The following CAPZA2 variants were observed in gnomAD, a reference collection of about 807,000 sequenced individuals.
CAPZA2 encodes capping actin protein of muscle Z-line subunit alpha 2.
A neutral mutation model predicts 44.0 loss-of-function variants in CAPZA2; 13 were observed. The observed-to-expected ratio is 0.30, with a 90% confidence interval of 0.19 to 0.47. The LOEUF is 0.47. Among genes scored for constraint, CAPZA2 ranks in the 20% least tolerant of loss-of-function variants. The probability of loss-of-function intolerance (pLI) is 1.00; values close to 1 mark genes in which losing one functional copy is unlikely to be tolerated. For missense variants in CAPZA2, 244 were observed against 338.6 expected (o/e 0.72, Z 2.19); for synonymous variants, 94 against 108.2 (o/e 0.87, Z 0.81).
intron 7 of CAPZA2, among the ~76,000 whole-genome samples, chr7:116,910,622 C>G (rs1026404328): frequency 1.1e-4 from 17 of 152,134 alleles, no homozygotes; most frequent in Admixed American, 2.0e-4. Context: ...TTGTGTACTT[C>G]TCTCCTCTGA....
intron 7 of CAPZA2, among the ~76,000 whole-genome samples, chr7:116,911,025 G>A (rs964755557): frequency 6.9e-6 from 1 of 145,848 alleles, no homozygotes; most frequent in Non-Finnish European, 1.5e-5. Context: ...ATACGTGATT[G>A]TTTGAAGATT....
intron 3 of CAPZA2, among the ~76,000 whole-genome samples, chr7:116,897,643 A>G (rs1796944636): frequency 6.6e-6 from 1 of 152,116 alleles, no homozygotes; most frequent in African/African-American, 2.4e-5. Context: ...CTGTTAAGTG[A>G]CAGTGATTTC....
chr7:116,873,101 C>T (rs1037934202), intron 1 of CAPZA2, among the ~76,000 whole-genome samples: 1 of 152,122 alleles, frequency 6.6e-6, no homozygotes, highest in Non-Finnish European at 1.5e-5. Context: ...GCGGCCCATA[C>T]CATGTGGAAA....
chr7:116,863,887 T>C (rs921159067), intron 1 of CAPZA2, among the ~76,000 whole-genome samples: 6 of 152,140 alleles, frequency 3.9e-5, no homozygotes, highest in Admixed American at 3.9e-4. Flanking sequence ...TGCACCGAAA[T>C]AGAAGGTTCT....
intron 1 of CAPZA2, among the ~76,000 whole-genome samples, chr7:116,863,376 C>G (rs1018008189): frequency 1.3e-5 from 2 of 151,988 alleles, no homozygotes; most frequent in African/African-American, 4.8e-5. Context: ...TGGCAGCAGC[C>G]CCCCCCCGGG....
At chr7:116,864,039 T>C (rs1055901974) in intron 1 of CAPZA2, among the ~76,000 whole-genome samples, 16 of 152,156 alleles carry the variant, frequency 1.1e-4, no homozygotes, top group Non-Finnish European at 1.9e-4. Flanking sequence ...ACAGACCCAG[T>C]AGGCAGATCC....
rs533000280 is a variant in CAPZA2 at position 116,879,890 on chromosome 7, T to C, written c.40-8237T>C. ...ATTTATTCAACCTGTAATCAGTAGC[T>C]ACTGAGTACAGAGTATGGGGCAGAG... On this transcript the variant is annotated intron_variant, in intron 1 of 9. Transcript: ENST00000361183. Among the ~76,000 whole-genome samples the C allele has an allele frequency of 2.0e-5, 3 of 152,338 alleles. No individual in the cohort carries two copies. The South Asian group carries it at 6.2e-4, about 32-fold the overall frequency.
rs375229154 is a variant in CAPZA2, at chr7:116,916,624, C to CA, written c.720+514dup. Among the ~76,000 whole-genome samples the CA allele has an allele frequency of 1.2e-3, 163 of 133,892 alleles. 2 individuals carry two copies. The highest frequency in any genetic ancestry group is 1.3e-3 in the East Asian group (6 of 4,596). The allele number at this position is 133,892 out of a possible 152,430, so 87.8% of individuals were successfully genotyped here. A position where few individuals can be genotyped will look rare whatever the true frequency, so the allele number is the denominator to read the frequency against. ...CTGGTGACAGAGCGAGACTCCGTCT[C>CA]AAAAAAAAAAAAGACTAGGTTTTGG... On this transcript the variant is annotated intron_variant, in intron 9 of 9. Transcript: ENST00000361183.
chr7:116,904,157 AATTC>A lies in CAPZA2; in HGVS notation c.220-15_220-12del. On this transcript the variant is annotated splice_polypyrimidine_tract_variant and intron_variant, in intron 4 of 9. Transcript: ENST00000361183. ...ATGCTGTTTTTTTATTTTTTTTCTA[AATTC>A]ATTCCATCATCAAAGGTATTGATAA... 1 of 1,493,510 alleles carries A rather than the reference AATTC, an allele frequency of 6.7e-7. No individual in the cohort carries two copies. Among genetic ancestry groups the A allele is most frequent in the Non-Finnish European group, 9.2e-7 (1 of 1,084,588 alleles). The allele number at this position is 1,493,510 out of a possible 1,614,324, so 92.5% of individuals were successfully genotyped here. A position where few individuals can be genotyped will look rare whatever the true frequency, so the allele number is the denominator to read the frequency against.
chr7:116,914,406 A>G (rs183668665), intron 8 of CAPZA2, among the ~76,000 whole-genome samples: 19 of 150,650 alleles, frequency 1.3e-4, no homozygotes, highest in Non-Finnish European at 1.2e-4. Flanking sequence ...ACCTAAGAAG[A>G]TAAGCTATAT....
intron 5 of CAPZA2, among the ~76,000 whole-genome samples, chr7:116,905,785 C>T (rs1272852629): frequency 1.2e-4 from 18 of 152,242 alleles, no homozygotes; most frequent in African/African-American, 4.1e-4. Context: ...TGTGATACAT[C>T]ACAGGCATTC....
At chr7:116,893,233 C>G (rs749934211) in intron 3 of CAPZA2, among the ~76,000 whole-genome samples, 188 bp downstream of exon 3, 1 of 152,042 alleles carries the variant, frequency 6.6e-6, no homozygotes, top group Admixed American at 6.5e-5. Context: ...CGGGTACAAG[C>G]GATTCTTCTG....
At chr7:116,915,950 A>G (rs1791673573) in intron 8 of CAPZA2, 110 bp from the exon 9 acceptor site, 1 of 738,346 alleles carries the variant, frequency 1.4e-6, no homozygotes, top group South Asian at 2.2e-5. Context: ...CTATGTCATA[A>G]TTTCCTTCTG....
At chr7:116,890,921 A>G (rs935188876) in intron 2 of CAPZA2, among the ~76,000 whole-genome samples, 1 of 152,122 alleles carries the variant, frequency 6.6e-6, no homozygotes, top group African/African-American at 2.4e-5. Context: ...TTAGAATTAC[A>G]AAGTTAATAA....
At chr7:116,916,200 C>T in intron 9 of CAPZA2, 78 bp downstream of exon 9, 2 of 1,392,730 alleles carry the variant, frequency 1.4e-6, no homozygotes, top group Non-Finnish European at 1.9e-6. Context: ...CAGCCAAAGG[C>T]TGAATTTTTC....
At chr7:116,906,580 C>G (rs1791516128) in intron 6 of CAPZA2, 1 of 523,796 alleles carries the variant, frequency 1.9e-6, no homozygotes, top group Admixed American at 4.4e-5. Flanking sequence ...AAACAGCATC[C>G]TGAGGGAGCA....
At chr7:116,917,490 C>G (rs1168825176) in intron 9 of CAPZA2, among the ~76,000 whole-genome samples, 3 of 151,960 alleles carry the variant, frequency 2.0e-5, no homozygotes, top group African/African-American at 7.3e-5. Context: ...ATCTCCTGAC[C>G]TCGTGATCCG....
At chr7:116,873,198 T>C (rs996408814) in intron 1 of CAPZA2, among the ~76,000 whole-genome samples, 20 of 152,340 alleles carry the variant, frequency 1.3e-4, no homozygotes, top group Non-Finnish European at 2.4e-4. Context: ...TCATTTTTAG[T>C]ATAGCTATTT....
Position 116,918,635 on chromosome 7 carries a change from A to G in CAPZA2, c.*768A>G, listed in dbSNP as rs1031482135. The G allele has an allele frequency of 6.6e-6, 1 of 152,578 alleles. No homozygotes were observed. Among genetic ancestry groups the G allele is most frequent in the South Asian group, 2.1e-4 (1 of 4,832 alleles). The allele number at this position is 152,578 out of a possible 1,614,324, so 9.5% of individuals were successfully genotyped here. Reference sequence around the variant, plus strand: ...TATAACAAGGCAAATTGTAATATATATAATCCTGAACTCATGACCATGTCT... The same window carrying G: ...TATAACAAGGCAAATTGTAATATATGTAATCCTGAACTCATGACCATGTCT... On this transcript the variant is annotated 3_prime_UTR_variant, in exon 10 of 10. Coordinates refer to ENST00000361183, the MANE Select transcript of CAPZA2 (RefSeq NM_006136.3).
Sources: gnomAD v4.1 joint callset for allele counts (sites outside exome capture counted in the v4.1 genomes callset) on GRCh38, gnomAD v4.1.1 for gene constraint, MANE v1.5 for transcripts, NCBI Gene and HGNC (gene_info 2026-07-23, HGNC 2026-07-21) for gene names.